TAF6: variants seen among roughly 807,000 people sequenced by gnomAD.
TAF6 encodes transcription initiation factor TFIID subunit 6.
A neutral mutation model predicts 73.5 loss-of-function variants in TAF6; 50 were observed. The observed-to-expected ratio is 0.68, with a 90% CI of 0.54 to 0.86. The LOEUF is 0.86. TAF6 is among the 40% of genes least tolerant of loss of function. The pLI is 0.00. For synonymous variants in TAF6, 424 were observed against 376.7 expected (o/e 1.13, Z -1.45); for missense variants, 768 against 899.5 (o/e 0.85, Z 1.87).
At chr7:100,126,363 A>G in the TAF6 span, among the ~76,000 whole-genome samples, 1 of 151,824 alleles carries the variant, frequency 6.6e-6, no homozygotes, top group Non-Finnish European at 1.5e-5. Flanking sequence ...AAAAAAATTT[A>G]GAGGGGCGTG....
chr7:100,112,696 C>G, intron 6 of TAF6, 102 bp downstream of exon 6: 1 of 1,451,082 alleles, frequency 6.9e-7, no homozygotes, highest in Non-Finnish European at 9.2e-7. Flanking sequence ...GCCTGGGTGA[C>G]AGAGTGAGAC....
chr7:100,115,751 T>C (rs1797620965), intron 1 of TAF6: 1 of 151,008 alleles, frequency 6.6e-6, no homozygotes. Context: ...GGCGGACGGA[T>C]CACCAGGTCA....
upstream of TAF6, chr7:100,122,744 G>C (rs1471892949): frequency 6.3e-6 from 10 of 1,592,764 alleles, no homozygotes; most frequent in Non-Finnish European, 8.6e-6. Flanking sequence ...GGAGGGGTGG[G>C]GTGGTGAGCT....
upstream of TAF6, chr7:100,120,056 G>C (rs1797984817): frequency 3.9e-5 from 19 of 490,320 alleles, no homozygotes; most frequent in East Asian, 6.8e-4. Flanking sequence ...CATCCAGAGA[G>C]AGCCTGCATT....
At chr7:100,114,298 A>G in intron 1 of TAF6, 30 bp from the exon 2 acceptor site, 3 of 1,603,920 alleles carry the variant, frequency 1.9e-6, no homozygotes, top group Non-Finnish European at 2.5e-6. Flanking sequence ...GGCAGAAGAA[A>G]AAGAAACGTG....
intron 9 of TAF6, 108 bp from the exon 10 acceptor site, chr7:100,111,429 T>G: frequency 2.3e-6 from 3 of 1,314,276 alleles, no homozygotes; most frequent in Non-Finnish European, 3.1e-6. Flanking sequence ...CATGGCTAAC[T>G]GCAGCATCAA....
intron 4 of TAF6, 22 bp downstream of exon 4, chr7:100,113,594 C>T: frequency 6.2e-7 from 1 of 1,612,410 alleles, no homozygotes. Flanking sequence ...CTCCCTGCCA[C>T]CCTGCTCTCC....
intron 9 of TAF6, 112 bp from the exon 10 acceptor site, chr7:100,111,433 G>A (rs570609910): frequency 2.3e-6 from 3 of 1,276,620 alleles, no homozygotes; most frequent in African/African-American, 1.5e-5. Flanking sequence ...GCTAACTGCA[G>A]CATCAATCTC....
At chr7:100,122,375 T>TA, upstream of TAF6, 2 of 1,614,152 alleles carry the variant, frequency 1.2e-6, no homozygotes, top group Non-Finnish European at 1.7e-6. Context: ...ACACGTGCCT[T>TA]ACAGCGTTTC....
chr7:100,108,173 G>C lies in TAF6; in HGVS notation c.1459-50C>G, dbSNP rs4134924. The C allele has an allele frequency of 2.9e-4, 442 of 1,541,280 alleles. 1 individual carries two copies. In the African/African-American group the frequency reaches 5.6e-3, roughly 20 times the overall value. ...AAGTGGCACCATCTACTAAGAAGAG[G>C]AGTCTGAAGGGAGAGGCCTGGGCTC... is the stretch of plus-strand genomic sequence containing the variant. On this transcript the variant is annotated intron_variant, in intron 13 of 14. Transcript: ENST00000453269.
chr7:100,113,005 C>T (rs921868169), intron 5 of TAF6, 88 bp from the exon 6 acceptor site: 4 of 1,520,312 alleles, frequency 2.6e-6, no homozygotes, highest in Non-Finnish European at 1.8e-6. Context: ...TGGCTCATGC[C>T]TGTAATCCCA....
chr7:100,112,303 T>A (rs1562927505), intron 6 of TAF6, 50 bp from the exon 7 acceptor site: 2 of 1,586,042 alleles, frequency 1.3e-6, no homozygotes, highest in Non-Finnish European at 1.7e-6. Flanking sequence ...AGAAGAAACC[T>A]CAGTAACAGA....
rs1204740961 is a variant in TAF6, at chr7:100,112,220, C to G, written c.608G>C (p.Gly203Ala). 3 of 1,614,002 alleles carry G rather than the reference C, an allele frequency of 1.9e-6. No homozygotes were observed. The highest frequency in any genetic ancestry group is 2.7e-5 in the African/African-American group (2 of 74,936). Residue 203 changes from glycine (G) to alanine (A), a missense_variant, in exon 7 of 15, where the codon GGG becomes GCG. By Grantham distance (60) the Gly-to-Ala change is moderately conservative (BLOSUM62 0). This residue lies in a region of TAF6 where 269 missense variants were observed against 268.0 expected (regional missense o/e 1.00). Coordinates refer to ENST00000453269, the MANE Select transcript of TAF6 (RefSeq NM_139315.3). ...CCGGGGCTTCAGTCGCAAGGGGGCCCCCTCCAGCAAGGGCGGCGCCTTCTT... is the reference window on the plus strand; with the variant it reads ...CCGGGGCTTCAGTCGCAAGGGGGCCGCCTCCAGCAAGGGCGGCGCCTTCTT... ...KEKKAPPLLE[G>A]APLRLKPRSI...
intron 11 of TAF6, 63 bp downstream of exon 11, chr7:100,110,137 C>T: frequency 6.2e-7 from 1 of 1,614,024 alleles, no homozygotes; most frequent in South Asian, 1.1e-5. Context: ...GATGGGGGTA[C>T]AGTGCCCTCT....
upstream of TAF6, among the ~76,000 whole-genome samples, chr7:100,120,636 T>A (rs1305369951): frequency 6.6e-6 from 1 of 152,226 alleles, no homozygotes; most frequent in African/African-American, 2.4e-5. Flanking sequence ...TTCACCTCCG[T>A]GTGCCGCTCT....
At chr7:100,110,157 T>C in intron 11 of TAF6, 43 bp downstream of exon 11, 1 of 1,614,082 alleles carries the variant, frequency 6.2e-7, no homozygotes, top group Non-Finnish European at 8.5e-7. Context: ...TATAACCTCA[T>C]GACTGTGTCC....
chr7:100,123,837 AAAGT>A (rs1798145716), upstream of TAF6, among the ~76,000 whole-genome samples: 1 of 152,218 alleles, frequency 6.6e-6, no homozygotes, highest in South Asian at 2.1e-4. Flanking sequence ...AAATTTTTAA[AAAGT>A]AATAATGGGC....
At chr7:100,123,475 T>A (rs566009001), upstream of TAF6, among the ~76,000 whole-genome samples, 17 of 152,260 alleles carry the variant, frequency 1.1e-4, no homozygotes, top group African/African-American at 4.1e-4. Context: ...AGAGACCAGC[T>A]TGTGCAACAT....
intron 1 of TAF6, chr7:100,115,199 A>G (rs1466661994): frequency 3.9e-5 from 6 of 152,076 alleles, no homozygotes; most frequent in Admixed American, 3.3e-4. Context: ...CAGGGCTTCA[A>G]TCCCACCACT....
Sources: gnomAD v4.1 joint callset for allele counts (sites outside exome capture counted in the v4.1 genomes callset) on GRCh38, gnomAD v4.1.1 for gene constraint, gnomAD v4.1.1 regional missense constraint, MANE v1.5 for transcripts, NCBI Gene and HGNC (gene_info 2026-07-23, HGNC 2026-07-21) for gene names.